The following ZAN variants were observed in gnomAD, a reference collection of about 807,000 sequenced individuals.
The protein encoded by ZAN is zonadhesin, also known as zonadhesin (gene/pseudogene).
In ZAN, 260 loss-of-function variants were observed where a neutral mutation model predicts 286.2. The ratio of observed to expected loss-of-function variants is 0.91; its 90% CI spans 0.82 to 1.01. ZAN has a LOEUF of 1.01. Among genes scored for constraint, ZAN ranks in the 50% least tolerant of loss-of-function variants. The probability of loss-of-function intolerance (pLI) is 0.00; values close to 1 mark genes in which losing one functional copy is unlikely to be tolerated. For missense variants in ZAN, 3,410 were observed against 3,639.2 expected, an observed-to-expected ratio of 0.94 and a Z score of 1.62; for synonymous variants, 1,368 against 1,417.5, an observed-to-expected ratio of 0.97 and a Z score of 0.79.
Position 100,775,472 on chromosome 7 carries a change from A to C in ZAN, c.5924A>C (p.Lys1975Thr). 1 of 1,613,984 alleles carries C rather than the reference A, an allele frequency of 6.2e-7. No homozygotes were observed. Residue 1975 changes from lysine (K) to threonine (T), a missense_variant, in exon 32 of 48, where the codon AAG becomes ACG. Coordinates refer to ENST00000613979, the MANE Select transcript of ZAN (RefSeq NM_003386.3). Reference sequence around the variant, plus strand: ...TTGCCCTTCTTCAAGATCAGTGCCAAGCATGAGAAGGAGGAAGGTGGAACT... The same window carrying C: ...TTGCCCTTCTTCAAGATCAGTGCCACGCATGAGAAGGAGGAAGGTGGAACT... Reference protein sequence around the residue: ...MALPFFKISAKHEKEEGGTEA... With the variant: ...MALPFFKISATHEKEEGGTEA...
rs773574912 is a variant in ZAN, at chr7:100,737,329, G to A, written c.593G>A (p.Arg198His). The change falls in exon 6 of 48, where the codon CGC (arginine) becomes CAC (histidine). Residue 198 changes from arginine to histidine, a missense_variant. Coordinates refer to ENST00000613979, the MANE Select transcript of ZAN (RefSeq NM_003386.3). ...ATCGCCCTGGATGCCCTCTCTATCC[G>A]CCGGGGCTCCTGTAATCGCGGTGAG... is the stretch of plus-strand genomic sequence containing the variant. The part of the protein sequence containing the change: ...LDIALDALSI[R>H]RGSCNRVCMM... 4.7e-6 allele frequency: 7 copies of A among 1,475,590 alleles called. 1 individual carries two copies. The highest frequency in any genetic ancestry group is 5.5e-6 in the Non-Finnish European group (6 of 1,081,970). 91.4% of individuals were successfully genotyped at this position (1,475,590 alleles called of 1,614,324 possible). A position where few individuals can be genotyped will look rare whatever the true frequency, so the allele number is the denominator to read the frequency against.
intron 16 of ZAN, 63 bp from the exon 17 acceptor site, chr7:100,758,468 A>G (rs1251337368): frequency 3.2e-6 from 5 of 1,552,964 alleles, no homozygotes; most frequent in Non-Finnish European, 3.5e-6. Flanking sequence ...GTGGGCCAGC[A>G]TGTGCGGTCC....
At chr7:100,743,600 G>A (rs1269786895) in intron 7 of ZAN, among the ~76,000 whole-genome samples, 1 of 152,082 alleles carries the variant, frequency 6.6e-6, no homozygotes, top group African/African-American at 2.4e-5. Context: ...AACTAGGCCA[G>A]GTGCAGTAGC....
At chr7:100,759,643 C>T (rs141485477) in intron 17 of ZAN, 78 bp from the exon 18 acceptor site, 38 of 1,447,446 alleles carry the variant, frequency 2.6e-5, no homozygotes, top group Non-Finnish European at 3.3e-5. Context: ...CTCCCTGCGG[C>T]GCCAGGCTCA....
chr7:100,748,610 T>G, intron 11 of ZAN, 140 bp downstream of exon 11: 1 of 1,186,724 alleles, frequency 8.4e-7, no homozygotes, highest in South Asian at 1.6e-5. Context: ...GAAGTTTCCA[T>G]GGTACTGGAA....
At chr7:100,774,515 T>A (rs1810615790) in intron 31 of ZAN, among the ~76,000 whole-genome samples, 1 of 151,786 alleles carries the variant, frequency 6.6e-6, no homozygotes, top group Non-Finnish European at 1.5e-5. Context: ...TACAAAAAAA[T>A]AAAAGCTAAA....
chr7:100,734,203 T>TG lies in ZAN; in HGVS notation c.40dup (p.Ala14GlyfsTer20). The TG allele has an allele frequency of 1.4e-6, 2 of 1,456,852 alleles. 1 individual carries two copies. Among genetic ancestry groups the TG allele is most frequent in the African/African-American group, 2.9e-5 (2 of 68,858 alleles). The allele number at this position is 1,456,852 out of a possible 1,614,324, so 90.2% of individuals were successfully genotyped here. On this transcript the variant is annotated frameshift_variant, in exon 2 of 48. Coordinates refer to ENST00000613979, the MANE Select transcript of ZAN (RefSeq NM_003386.3). LOFTEE classifies it high-confidence loss of function. ...CCAGTCTGGACTCTGCTGCTTCTGG[T>TG]GGGGGCTGCCCTTTTCAGGTAAGCT...
chr7:100,777,050 C>CT (rs35034892), intron 34 of ZAN, among the ~76,000 whole-genome samples: 2 of 149,496 alleles, frequency 1.3e-5, no homozygotes, highest in African/African-American at 4.9e-5. Flanking sequence ...TTCTTTCGTT[C>CT]TTTTTTTTTC....
rs765896945 is a variant in ZAN, at chr7:100,765,505, T to C, written c.4421T>C (p.Ile1474Thr). The change falls in exon 23 of 48, where the codon ATA (isoleucine) becomes ACA (threonine). Residue 1474 changes from isoleucine (I) to threonine (T), a missense_variant. By Grantham distance (89) the Ile-to-Thr change is moderately conservative. This residue lies in a region of ZAN where 1,042 missense variants were observed against 1,058.0 expected (regional missense o/e 0.98). Transcript: ENST00000613979. ...PGFVLSGLEC[I>T]PRSQCGCLHP... ...TTCGTCCTCAGTGGCCTCGAGTGCATACCTCGCTCCCAGTGTGGGTGCCTC... is the reference window on the plus strand; with the variant it reads ...TTCGTCCTCAGTGGCCTCGAGTGCACACCTCGCTCCCAGTGTGGGTGCCTC... 32 of 1,612,028 alleles carry C rather than the reference T, an allele frequency of 2.0e-5. No individual in the cohort carries two copies. The East Asian group carries it at 6.9e-4, about 35-fold the overall frequency.
At chr7:100,785,072 T>C (rs547283087) in intron 36 of ZAN, among the ~76,000 whole-genome samples, 5 of 152,230 alleles carry the variant, frequency 3.3e-5, no homozygotes, top group African/African-American at 1.2e-4. Flanking sequence ...GGAAAGACCA[T>C]GGGCTCATTT....
intron 35 of ZAN, among the ~76,000 whole-genome samples, chr7:100,782,765 GTTT>G (rs1452277395): frequency 3.1e-4 from 47 of 151,710 alleles, no homozygotes; most frequent in African/African-American, 1.0e-3. Flanking sequence ...AATCAACTTT[GTTT>G]TTGTTTTTCT....
intron 44 of ZAN, 133 bp from the exon 45 acceptor site, chr7:100,795,063 G>A (rs1812257776): frequency 2.5e-6 from 3 of 1,185,548 alleles, no homozygotes; most frequent in Non-Finnish European, 3.4e-6. Context: ...TTGGGAGCCA[G>A]GCTGGCTGAC....
Position 100,737,029 on chromosome 7 carries a change from C to G in ZAN, c.474C>G (p.Ser158=). The G allele has an allele frequency of 6.7e-7, 1 of 1,499,690 alleles. No individual in the cohort carries two copies. The highest frequency in any genetic ancestry group is 2.3e-5 in the East Asian group (1 of 42,868). The allele number at this position is 1,499,690 out of a possible 1,614,324, so 92.9% of individuals were successfully genotyped here. Residue 158 remains serine, a synonymous_variant, in exon 5 of 48, where the codon TCC becomes TCG. Coordinates refer to ENST00000613979, the MANE Select transcript of ZAN (RefSeq NM_003386.3). ...LWKHWNTQRP[S]WMLTTVTVPA... Reference sequence around the variant, plus strand: ...AACACTGGAACACCCAGAGACCCTCCTGGATGCTCACCACCGTCACTGTGC... The same window carrying G: ...AACACTGGAACACCCAGAGACCCTCGTGGATGCTCACCACCGTCACTGTGC...
chr7:100,784,763 GT>G lies in ZAN; in HGVS notation c.6764del (p.Val2255GlyfsTer2), dbSNP rs1811452143. On this transcript the variant is annotated frameshift_variant, in exon 36 of 48. Coordinates refer to ENST00000613979, the MANE Select transcript of ZAN (RefSeq NM_003386.3). LOFTEE classifies it high-confidence loss of function. ...GGGCTGCATTTGTCAGCCCGGCTAT[GT>G]GCTGAGTGAAGACAAGTGTGTCCCC... ...AEGCICQPGY[V>X]LSEDKCVPRS... The G allele has an allele frequency of 6.2e-7, 1 of 1,613,868 alleles. No homozygotes were observed. Among genetic ancestry groups the G allele is most frequent in the East Asian group, 2.2e-5 (1 of 44,874 alleles).
chr7:100,748,248 C>G (rs191942574), intron 10 of ZAN, 33 bp downstream of exon 10: 3 of 1,613,674 alleles, frequency 1.9e-6, no homozygotes, highest in Non-Finnish European at 2.5e-6. Context: ...CCGGATCTCT[C>G]AGAATCCGGG....
intron 37 of ZAN, among the ~76,000 whole-genome samples, chr7:100,786,804 G>C (rs1159753284): frequency 1.6e-4 from 25 of 152,176 alleles, no homozygotes. Context: ...TGTAATCCCA[G>C]TACTTGGGAG....
Position 100,758,338 on chromosome 7 carries a change from C to G in ZAN, c.3446C>G (p.Pro1149Arg). Residue 1149 changes from proline (P) to arginine (R), a missense_variant, in exon 16 of 48, where the codon CCC becomes CGC. By Grantham distance (103) the Pro-to-Arg change is moderately radical. Coordinates refer to ENST00000613979, the MANE Select transcript of ZAN (RefSeq NM_003386.3). ...QLKNGQYGCH[P>R]YAGTATCLVY... is the part of the protein sequence containing the mutation. The stretch of plus-strand genomic sequence containing the variant: ...AAGAATGGCCAGTATGGATGCCACC[C>G]CTACGGTGAGAGCCCCTCCCCATGC... 6.2e-7 allele frequency: 1 copy of G among 1,612,208 alleles called. No individual in the cohort carries two copies. Among genetic ancestry groups the G allele is most frequent in the East Asian group, 2.2e-5 (1 of 44,854 alleles).
chr7:100,788,203 G>C, intron 38 of ZAN, 67 bp downstream of exon 38: 1 of 1,421,806 alleles, frequency 7.0e-7, no homozygotes, highest in Non-Finnish European at 9.2e-7. Flanking sequence ...ACCTGGAGTA[G>C]AAGTCAGGGA....
Position 100,765,629 on chromosome 7 carries a change from T to A in ZAN, c.4470+75T>A, listed in dbSNP as rs1584592236. On this transcript the variant is annotated intron_variant, in intron 23 of 47. Coordinates refer to ENST00000613979, the MANE Select transcript of ZAN (RefSeq NM_003386.3). ...CCCTGCTCTCACACCCCCTGCAAGCTCTTTCTTTTCTTTTCGTTTCTTGTT... is the reference window on the plus strand; with the variant it reads ...CCCTGCTCTCACACCCCCTGCAAGCACTTTCTTTTCTTTTCGTTTCTTGTT... 4 of 1,452,378 alleles carry A rather than the reference T, an allele frequency of 2.8e-6. No homozygotes were observed. The East Asian group carries it at 9.9e-5, about 36-fold the overall frequency. 90.0% of individuals were successfully genotyped at this position (1,452,378 alleles called of 1,614,324 possible).
Sources: allele counts gnomAD v4.1 joint callset (sites outside exome capture counted in the v4.1 genomes callset), GRCh38; gene constraint gnomAD v4.1.1; regional missense constraint gnomAD v4.1.1; transcripts MANE v1.5; gene names NCBI Gene and HGNC (gene_info 2026-07-23, HGNC 2026-07-21).